Variants in MYH9 observed in about 807,000 individuals in gnomAD.
MYH9 encodes the protein myosin heavy chain 9.
MYH9 carries 29 observed loss-of-function variants against 241.9 expected under a neutral mutation model. The observed-to-expected ratio is 0.12, with a 90% CI of 0.09 to 0.16. The LOEUF is 0.16. Among genes scored for constraint, MYH9 ranks in the 10% least tolerant of loss-of-function variants. MYH9 has a pLI of 1.00. For synonymous variants in MYH9, 1,047 were observed against 1,062.6 expected, an observed-to-expected ratio of 0.99 and a Z score of 0.29; for missense variants, 1,803 against 2,595.5, an observed-to-expected ratio of 0.69 and a Z score of 6.63.
intron 1 of MYH9, among the ~76,000 whole-genome samples, chr22:36,386,758 C>T (rs1353648314): frequency 1.3e-5 from 2 of 152,220 alleles, no homozygotes; most frequent in Non-Finnish European, 2.9e-5. Context: ...TGCTGAGTCT[C>T]AGTTTGAAAC....
At chr22:36,304,376 T>C (rs958874481) in intron 18 of MYH9, among the ~76,000 whole-genome samples, 3 of 152,168 alleles carry the variant, frequency 2.0e-5, no homozygotes, top group Admixed American at 6.5e-5. Flanking sequence ...AATTTTTCCT[T>C]CTCTTTTCCT....
Position 36,288,427 on chromosome 22 carries a change from C to G in MYH9, c.4771-14G>C, listed in dbSNP as rs200235677. Reference sequence around the variant, plus strand: ...CATCTCCCGCACCTGGGGGAAGGAACATCAACAACTTGGGAAGCTGGACCC... The same window carrying G: ...CATCTCCCGCACCTGGGGGAAGGAAGATCAACAACTTGGGAAGCTGGACCC... On this transcript the variant is annotated splice_polypyrimidine_tract_variant and intron_variant, in intron 33 of 40. Transcript: ENST00000216181. This position sits in a 1 kb window ranked among gnomAD's most constrained non-coding sequence, Gnocchi z 4.8. 1 of 1,606,666 alleles carries G rather than the reference C, an allele frequency of 6.2e-7. No individual in the cohort carries two copies. Among genetic ancestry groups the G allele is most frequent in the Non-Finnish European group, 8.5e-7 (1 of 1,179,894 alleles).
At chr22:36,334,721 G>A (rs973216041) in intron 3 of MYH9, among the ~76,000 whole-genome samples, 2 of 152,208 alleles carry the variant, frequency 1.3e-5, no homozygotes, top group Non-Finnish European at 2.9e-5. Flanking sequence ...GTTCAGTCAA[G>A]AAGTGTTTGG....
At position 36,285,584 on chromosome 22, in the gene MYH9, C is replaced by T. The variant is rs1026446063; in HGVS notation, c.5274+74G>A. 15 of 1,598,380 alleles carry T rather than the reference C, an allele frequency of 9.4e-6. No homozygotes were observed. Among genetic ancestry groups the T allele is most frequent in the African/African-American group, 1.3e-5 (1 of 74,690 alleles). Reference sequence around the variant, plus strand: ...GCTGGCACTTGGCCTGTGCTTCTGCCGGCTGGGTCCAAGGCCAGCTCTGCC... The same window carrying T: ...GCTGGCACTTGGCCTGTGCTTCTGCTGGCTGGGTCCAAGGCCAGCTCTGCC... On this transcript the variant is annotated intron_variant, in intron 37 of 40. Coordinates refer to ENST00000216181, the MANE Select transcript of MYH9 (RefSeq NM_002473.6). The surrounding 1 kb of genome is among the most constrained non-coding windows in gnomAD (Gnocchi z 7.0).
At chr22:36,283,172 A>C (rs1481876881) in intron 40 of MYH9, among the ~76,000 whole-genome samples, 3 of 152,186 alleles carry the variant, frequency 2.0e-5, no homozygotes, top group Non-Finnish European at 4.4e-5. Flanking sequence ...CAGAGTACAA[A>C]GACAGGCACC....
At chr22:36,317,098 A>G (rs538693895) in intron 11 of MYH9, among the ~76,000 whole-genome samples, 1 of 151,750 alleles carries the variant, frequency 6.6e-6, no homozygotes, top group South Asian at 2.1e-4. Context: ...ACCACCCTAA[A>G]CGCGCCCGAT....
intron 4 of MYH9, 137 bp downstream of exon 4, chr22:36,327,324 C>T (rs913019198): frequency 1.0e-6 from 1 of 975,366 alleles, no homozygotes; most frequent in African/African-American, 1.6e-5. Flanking sequence ...AGTCCTATCC[C>T]TTGGAGAAGT....
In MYH9 at chr22:36,286,025, C is replaced by G. The variant is rs554591316; in HGVS notation, c.5062-72G>C. The G allele has an allele frequency of 1.9e-6, 3 of 1,552,330 alleles. No homozygotes were observed. In the African/African-American group the frequency reaches 4.1e-5, roughly 21 times the overall value. On this transcript the variant is annotated intron_variant, in intron 35 of 40. Coordinates refer to ENST00000216181, the MANE Select transcript of MYH9 (RefSeq NM_002473.6). The stretch of plus-strand genomic sequence containing the variant: ...CAAGACCATCCTTCCCAGCCCCAGG[C>G]ACCCTCCCCTCAAGCCCTTCCCCAG...
At position 36,282,026 on chromosome 22, in the gene MYH9, A is replaced by G. The variant is rs1264415978; in HGVS notation, c.*642T>C. On this transcript the variant is annotated 3_prime_UTR_variant, in exon 41 of 41. Coordinates refer to ENST00000216181, the MANE Select transcript of MYH9 (RefSeq NM_002473.6). ...GACATTTTAGAATCAGGAGGGAGACAGCGGACAGTGGCGCTGCCTGGGACA... is the reference window on the plus strand; with the variant it reads ...GACATTTTAGAATCAGGAGGGAGACGGCGGACAGTGGCGCTGCCTGGGACA... The G allele has an allele frequency of 4.3e-6, 1 of 234,266 alleles. No homozygotes were observed. The highest frequency in any genetic ancestry group is 5.5e-5 in the Admixed American group (1 of 18,088). 14.5% of individuals were successfully genotyped at this position (234,266 alleles called of 1,614,324 possible). A position where few individuals can be genotyped will look rare whatever the true frequency, so the allele number is the denominator to read the frequency against.
chr22:36,285,001 G>T lies in MYH9; in HGVS notation c.5483+120C>A. 1.0e-6 allele frequency: 1 copy of T among 959,172 alleles called. No individual in the cohort carries two copies. The highest frequency in any genetic ancestry group is 1.6e-6 in the Non-Finnish European group (1 of 633,058). 59.4% of individuals were successfully genotyped at this position (959,172 alleles called of 1,614,324 possible). A position where few individuals can be genotyped will look rare whatever the true frequency, so the allele number is the denominator to read the frequency against. ...GGATGAGGGCCCCATCAGGAGGGAG[G>T]GAAACAGCCCCAGGCTCAGGAGACA... On this transcript the variant is annotated intron_variant, in intron 38 of 40. Transcript: ENST00000216181. The surrounding 1 kb of genome is among the most constrained non-coding windows in gnomAD (Gnocchi z 7.0).
intron 13 of MYH9, 118 bp downstream of exon 13, chr22:36,314,027 C>A: frequency 7.4e-7 from 1 of 1,352,870 alleles, no homozygotes; most frequent in Non-Finnish European, 1.0e-6. Flanking sequence ...CGGGTGGCAC[C>A]AAAAGGAAGG....
intron 27 of MYH9, 117 bp downstream of exon 27, chr22:36,294,815 C>G (rs902384462): frequency 9.7e-6 from 14 of 1,436,036 alleles, no homozygotes; most frequent in Non-Finnish European, 1.3e-5. Context: ...GGAGCCTGGC[C>G]TCAGAACCAG....
intron 14 of MYH9, among the ~76,000 whole-genome samples, chr22:36,310,191 AC>A (rs1158182841): frequency 1.3e-5 from 2 of 150,988 alleles, no homozygotes; most frequent in African/African-American, 2.4e-5. Context: ...GATCGCTTGA[AC>A]CTGGGAGACG....
intron 14 of MYH9, among the ~76,000 whole-genome samples, chr22:36,311,273 G>A (rs1235397322): frequency 6.6e-6 from 1 of 152,346 alleles, no homozygotes; most frequent in South Asian, 2.1e-4. Flanking sequence ...GAAGATGTCT[G>A]CTAGGTAAGT....
In MYH9 at chr22:36,365,941, C is replaced by A. The variant is rs572812597; in HGVS notation, c.-19-16686G>T. The stretch of plus-strand genomic sequence containing the variant: ...TGGTGGCTCACGCCTATAATCCAGG[C>A]GCTTTGGGAGGCTGAGGCGGACAGA... On this transcript the variant is annotated intron_variant, in intron 1 of 40. Transcript: ENST00000216181. Among the ~76,000 whole-genome samples, 11 of 152,146 alleles carry A rather than the reference C, an allele frequency of 7.2e-5. No individual in the cohort carries two copies. The South Asian group carries it at 1.0e-3, about 14-fold the overall frequency.
chr22:36,319,430 C>T, intron 10 of MYH9, 110 bp downstream of exon 10: 1 of 1,016,538 alleles, frequency 9.8e-7, no homozygotes, highest in Admixed American at 2.0e-5. Flanking sequence ...CCGACAGATA[C>T]TAACATTAAA....
intron 3 of MYH9, among the ~76,000 whole-genome samples, chr22:36,332,442 C>T (rs560252085): frequency 3.3e-5 from 5 of 152,160 alleles, no homozygotes; most frequent in East Asian, 1.9e-4. Context: ...TGGTCATGGG[C>T]GAGTGTGCCC....
chr22:36,305,971 C>T lies in MYH9; in HGVS notation c.2118G>A (p.Gln706=), dbSNP rs767065109. 2 of 1,613,526 alleles carry T rather than the reference C, an allele frequency of 1.2e-6. No individual in the cohort carries two copies. Among genetic ancestry groups the T allele is most frequent in the East Asian group, 2.2e-5 (1 of 44,886 alleles). Residue 706 remains glutamine, a synonymous_variant, in exon 17 of 41, where the codon CAG becomes CAA. Transcript: ENST00000216181. This position sits in a 1 kb window ranked among gnomAD's most constrained non-coding sequence, Gnocchi z 4.7. ...GGAAGACCACCCTGTTGGGGAAGCC[C>T]TGGCGGCAGATACGGATGCCCTCGA... is the stretch of plus-strand genomic sequence containing the variant. The part of the protein sequence containing the change: ...GVLEGIRICR[Q]GFPNRVVFQE...
intron 1 of MYH9, among the ~76,000 whole-genome samples, chr22:36,373,168 A>AG (rs2018114729): frequency 6.6e-6 from 1 of 152,212 alleles, no homozygotes; most frequent in Admixed American, 6.5e-5. Context: ...TGGAAAAGGC[A>AG]GGGGCCTCAG....
Sources: allele counts gnomAD v4.1 joint callset (sites outside exome capture counted in the v4.1 genomes callset), GRCh38; gene constraint gnomAD v4.1.1; non-coding constraint Gnocchi (gnomAD v3.1); transcripts MANE v1.5; gene names NCBI Gene and HGNC (gene_info 2026-07-23, HGNC 2026-07-21).